The following NELL1 variants were observed in gnomAD, a reference collection of about 807,000 sequenced individuals.
NELL1 encodes the protein protein kinase C-binding protein NELL1.
A neutral mutation model predicts 107.4 loss-of-function variants in NELL1; 76 were observed. The ratio of observed to expected loss-of-function variants is 0.71; its 90% CI spans 0.59 to 0.86. The LOEUF is 0.86. Among genes scored for constraint, NELL1 ranks in the 40% least tolerant of loss-of-function variants. NELL1 has a pLI of 0.00. For missense variants in NELL1, 1,024 were observed against 1,005.5 expected (o/e 1.02, Z -0.25); for synonymous variants, 353 against 341.2 (o/e 1.03, Z -0.38).
At chr11:21,326,082 GGGCTA>G (rs1850131981) in intron 14 of NELL1, among the ~76,000 whole-genome samples, 13 of 41,054 alleles carry the variant, frequency 3.2e-4, no homozygotes, top group East Asian at 6.4e-4. Flanking sequence ...TTTTTTTTTT[GGGCTA>G]TTTTGAGTAA....
At chr11:21,236,028 A>G (rs981851242) in intron 14 of NELL1, among the ~76,000 whole-genome samples, 4 of 152,038 alleles carry the variant, frequency 2.6e-5, no homozygotes, top group African/African-American at 9.7e-5. Context: ...CTGAGAGTTA[A>G]CTAATCATTC....
In NELL1 at chr11:20,899,560, A is replaced by T. The variant is rs145946906; in HGVS notation, c.603+14020A>T. Among the ~76,000 whole-genome samples, 102 of 152,282 alleles carry T rather than the reference A, an allele frequency of 6.7e-4. 1 individual carries two copies. Among genetic ancestry groups the T allele is most frequent in the African/African-American group, 2.3e-3 (97 of 41,590 alleles). On this transcript the variant is annotated intron_variant, in intron 5 of 19. Coordinates refer to ENST00000357134, the MANE Select transcript of NELL1 (RefSeq NM_006157.5). Reference sequence around the variant, plus strand: ...AGTTAAACATCCAAATAGGGAAGTTAGAAAAAGAACAACAGAATGTATACA... The same window carrying T: ...AGTTAAACATCCAAATAGGGAAGTTTGAAAAAGAACAACAGAATGTATACA...
intron 12 of NELL1, among the ~76,000 whole-genome samples, chr11:21,008,131 T>C (rs960702237): frequency 2.6e-5 from 4 of 152,170 alleles, no homozygotes; most frequent in Non-Finnish European, 5.9e-5. Context: ...CTACAATAAT[T>C]ATATCTCTGA....
intron 4 of NELL1, among the ~76,000 whole-genome samples, chr11:20,870,002 A>C (rs1289323615): frequency 3.6e-4 from 55 of 152,124 alleles, no homozygotes; most frequent in Admixed American, 3.5e-3. Flanking sequence ...GGATCAATGG[A>C]AAGATGTGGA....
intron 3 of NELL1, among the ~76,000 whole-genome samples, chr11:20,813,152 T>C (rs10833394): frequency 0.96 from 146,560 of 152,172 alleles, 70,822 homozygotes; most frequent in East Asian, 1. Flanking sequence ...TATTGTTTTC[T>C]GCAGGTTACT....
At chr11:20,859,906 A>T (rs1848949148) in intron 4 of NELL1, among the ~76,000 whole-genome samples, 4 of 152,200 alleles carry the variant, frequency 2.6e-5, no homozygotes, top group African/African-American at 9.7e-5. Context: ...AAACCTGGTC[A>T]TCCTATTCCC....
chr11:21,084,674 A>T (rs1854347570), intron 12 of NELL1, among the ~76,000 whole-genome samples: 1 of 152,164 alleles, frequency 6.6e-6, no homozygotes, highest in East Asian at 1.9e-4. Flanking sequence ...TCTGTGGTTT[A>T]TCAGTAGTGG....
At chr11:21,386,976 C>G (rs1851761712) in intron 15 of NELL1, among the ~76,000 whole-genome samples, 1 of 151,746 alleles carries the variant, frequency 6.6e-6, no homozygotes, top group South Asian at 2.1e-4. Flanking sequence ...ACTTAATCTT[C>G]ATAATCCAGA....
chr11:20,689,030 C>A (rs552197218), intron 2 of NELL1, among the ~76,000 whole-genome samples: 2 of 152,018 alleles, frequency 1.3e-5, no homozygotes, highest in Non-Finnish European at 2.9e-5. Context: ...TGATGTGGAG[C>A]GTTTTTTCAT....
At chr11:21,345,545 G>A (rs1347792816) in intron 14 of NELL1, among the ~76,000 whole-genome samples, 6 of 152,158 alleles carry the variant, frequency 3.9e-5, no homozygotes, top group Non-Finnish European at 7.3e-5. Context: ...TATGCTCAGG[G>A]AAAGATGCTG....
At chr11:20,776,020 G>T (rs545005783) in intron 2 of NELL1, among the ~76,000 whole-genome samples, 1 of 152,294 alleles carries the variant, frequency 6.6e-6, no homozygotes, top group South Asian at 2.1e-4. Context: ...AGACTTTGGA[G>T]CCAAGATGTA....
At chr11:21,079,429 G>C (rs942067322) in intron 12 of NELL1, among the ~76,000 whole-genome samples, 1 of 151,894 alleles carries the variant, frequency 6.6e-6, no homozygotes, top group Non-Finnish European at 1.5e-5. Flanking sequence ...ACCCTATAGA[G>C]AATATTCCTA....
In NELL1 at chr11:20,905,554, TA is replaced by T. The variant is rs201694705; in HGVS notation, c.604-12621del. Among the ~76,000 whole-genome samples, 973 of 151,972 alleles carry T rather than the reference TA, an allele frequency of 6.4e-3. 10 individuals are homozygous for T. The highest frequency in any genetic ancestry group is 0.022 in the African/African-American group (913 of 41,442). ...AGAAATAAGTCACGAAAATGATGTA[TA>T]AAAAAATGAGAATATCAATGAAGAG... is the stretch of plus-strand genomic sequence containing the variant. On this transcript the variant is annotated intron_variant, in intron 5 of 19. Transcript: ENST00000357134.
In NELL1 at chr11:20,858,682, C is replaced by T. The variant is rs534235285; in HGVS notation, c.506+10929C>T. Among the ~76,000 whole-genome samples, 7 of 152,310 alleles carry T rather than the reference C, an allele frequency of 4.6e-5. No individual in the cohort carries two copies. In the East Asian group the frequency reaches 1.4e-3, roughly 29 times the overall value. On this transcript the variant is annotated intron_variant, in intron 4 of 19. Coordinates refer to ENST00000357134, the MANE Select transcript of NELL1 (RefSeq NM_006157.5). ...GAAAACCTAATCTTATCCATAAACT[C>T]TCCAAGCCGCTGTTTGCAGATGGTT...
chr11:20,927,361 G>A lies in NELL1; in HGVS notation c.813G>A (p.Lys271=), dbSNP rs1207244622. ...LSQLENCHCE[K]TCQVSGLLYR... is the part of the protein sequence containing the mutation. ...AATTGGAAAACTGTCATTGTGAGAA[G>A]ACTTGTCAAGTGAGTGGACTGCTCT... The change falls in exon 8 of 20, where the codon AAG becomes AAA. Residue 271 remains lysine, a synonymous_variant. Transcript: ENST00000357134. 6.2e-7 allele frequency: 1 copy of A among 1,613,288 alleles called. No individual in the cohort carries two copies. The highest frequency in any genetic ancestry group is 1.7e-4 in the Middle Eastern group (1 of 6,058).
At chr11:21,089,128 G>C (rs1590625607) in intron 12 of NELL1, among the ~76,000 whole-genome samples, 2 of 152,142 alleles carry the variant, frequency 1.3e-5, no homozygotes, top group South Asian at 4.1e-4. Context: ...TTAGAGTAAA[G>C]CAAGGCTAAG....
chr11:21,276,378 C>T (rs560326247), intron 14 of NELL1, among the ~76,000 whole-genome samples: 1 of 152,170 alleles, frequency 6.6e-6, no homozygotes, highest in Non-Finnish European at 1.5e-5. Context: ...CTACAAACCA[C>T]TGCTCAATGA....
intron 13 of NELL1, among the ~76,000 whole-genome samples, chr11:21,191,007 G>A (rs1857038040): frequency 6.6e-6 from 1 of 151,832 alleles, no homozygotes; most frequent in East Asian, 1.9e-4. Flanking sequence ...TGGTTTGAGA[G>A]CATGGGTGGG....
chr11:20,671,774 G>GGC (rs1555050284), intron 1 of NELL1, among the ~76,000 whole-genome samples: 1 of 135,562 alleles, frequency 7.4e-6, no homozygotes. Context: ...CAGATTGATG[G>GGC]GGGGGGTGGT....
Sources: gnomAD v4.1 joint callset for allele counts (sites outside exome capture counted in the v4.1 genomes callset) on GRCh38, gnomAD v4.1.1 for gene constraint, MANE v1.5 for transcripts, NCBI Gene and HGNC (gene_info 2026-07-23, HGNC 2026-07-21) for gene names.